ASS1: variants seen among roughly 807,000 people sequenced by gnomAD.
The protein encoded by ASS1 is argininosuccinate synthase 1.
Under a neutral mutation model 60.5 loss-of-function variants are expected in ASS1, and 58 were observed. The observed-to-expected ratio is 0.96, with a 90% CI of 0.78 to 1.19. The LOEUF (loss-of-function observed/expected upper bound fraction) is 1.19, where lower values mean the gene tolerates loss of function less well. Among genes scored for constraint, ASS1 ranks in the 50% most tolerant of loss-of-function variants. The pLI, the probability that ASS1 is intolerant of heterozygous loss-of-function variation, is 0.00. For missense variants in ASS1, 454 were observed against 547.3 expected, an observed-to-expected ratio of 0.83 and a Z score of 1.70; for synonymous variants, 200 against 206.9, an observed-to-expected ratio of 0.97 and a Z score of 0.29.
intron 1 of ASS1, among the ~76,000 whole-genome samples, chr9:130,450,515 C>T (rs533855091): frequency 2.5e-4 from 38 of 152,304 alleles, no homozygotes; most frequent in African/African-American, 8.9e-4. Flanking sequence ...TTGTGGGCAC[C>T]GACCAGAACC....
intron 6 of ASS1, among the ~76,000 whole-genome samples, chr9:130,468,409 T>C (rs897860718): frequency 7.6e-6 from 1 of 131,238 alleles, no homozygotes; most frequent in African/African-American, 2.5e-5. Context: ...GTCACCATAA[T>C]TTAAAAAAAA....
chr9:130,463,652 C>A (rs1181035398), intron 4 of ASS1, among the ~76,000 whole-genome samples: 1 of 152,208 alleles, frequency 6.6e-6, no homozygotes, highest in Non-Finnish European at 1.5e-5. Context: ...GAAACTGAGG[C>A]TCAGAGAGGT....
chr9:130,499,295 T>C (rs1245849792), intron 13 of ASS1, among the ~76,000 whole-genome samples: 2 of 152,226 alleles, frequency 1.3e-5, no homozygotes, highest in Non-Finnish European at 2.9e-5. Flanking sequence ...ACTAGGGCTC[T>C]CCAACCTTTG....
chr9:130,489,607 A>C lies in ASS1; in HGVS notation c.970+143A>C. 8.0e-6 allele frequency: 11 copies of C among 1,379,534 alleles called. No homozygotes were observed. The highest frequency in any genetic ancestry group is 1.1e-5 in the Non-Finnish European group (11 of 981,108). The allele number at this position is 1,379,534 out of a possible 1,614,324, so 85.5% of individuals were successfully genotyped here. ...CTGCCATCCTCATGTGAGACCCCAA[A>C]AGGTGCAGGCCAAAGGGGGTTGAGG... On this transcript the variant is annotated intron_variant, in intron 12 of 14. Transcript: ENST00000352480. The surrounding 1 kb of genome is among the most constrained non-coding windows in gnomAD (Gnocchi z 4.1).
chr9:130,492,272 G>T (rs1313365350), intron 12 of ASS1, among the ~76,000 whole-genome samples: 2 of 152,166 alleles, frequency 1.3e-5, no homozygotes, highest in African/African-American at 2.4e-5. Context: ...CAAATAAAGG[G>T]CACCAGGCTG....
At chr9:130,449,675 G>A (rs977989655) in intron 1 of ASS1, among the ~76,000 whole-genome samples, 4 of 152,096 alleles carry the variant, frequency 2.6e-5, no homozygotes, top group Admixed American at 2.0e-4. Context: ...CCAGTCAAAC[G>A]AGATGCAGGG....
At position 130,464,108 on chromosome 9, in the gene ASS1, C is replaced by T; in HGVS notation, c.364-3C>T. On this transcript the variant is annotated splice_region_variant and splice_polypyrimidine_tract_variant and intron_variant, in intron 4 of 14. Transcript: ENST00000352480. ...CCTGACAGCCCTCTGTTCTGCATTG[C>T]AGGGGAACGATCAGGTCCGGTTTGA... The T allele has an allele frequency of 6.2e-7, 1 of 1,614,116 alleles. No individual in the cohort carries two copies. The highest frequency in any genetic ancestry group is 8.5e-7 in the Non-Finnish European group (1 of 1,179,992).
Position 130,476,656 on chromosome 9 carries a change from A to G in ASS1, c.598-215A>G, listed in dbSNP as rs867983052. On this transcript the variant is annotated intron_variant, in intron 8 of 14. Transcript: ENST00000352480. The surrounding 1 kb of genome is among the most constrained non-coding windows in gnomAD (Gnocchi z 4.9). ...AAAAAGATGAGATCAAGTTGAGGGG[A>G]AAAATTGTCTGATTTCTCCAGCCCT... The G allele has an allele frequency of 1.8e-4, 112 of 607,472 alleles. No homozygotes were observed. The Middle Eastern group carries it at 2.2e-3, about 12-fold the overall frequency. The allele number at this position is 607,472 out of a possible 1,614,324, so 37.6% of individuals were successfully genotyped here. A position where few individuals can be genotyped will look rare whatever the true frequency, so the allele number is the denominator to read the frequency against.
At chr9:130,461,315 G>A (rs1389913837) in intron 4 of ASS1, among the ~76,000 whole-genome samples, 1 of 152,168 alleles carries the variant, frequency 6.6e-6, no homozygotes, top group Non-Finnish European at 1.5e-5. Flanking sequence ...GCCTCCCGCA[G>A]CCGTGTGCGC....
At chr9:130,451,293 C>T (rs1845319361) in intron 1 of ASS1, among the ~76,000 whole-genome samples, 3 of 122,642 alleles carry the variant, frequency 2.4e-5, no homozygotes, top group South Asian at 5.7e-4. Flanking sequence ...TTCCCGGCTG[C>T]AGAGGGCCTG....
At position 130,471,537 on chromosome 9, in the gene ASS1, C is replaced by T. The variant is rs1275049130; in HGVS notation, c.597+22C>T. 5.0e-6 allele frequency: 8 copies of T among 1,611,528 alleles called. No individual in the cohort carries two copies. The South Asian group carries it at 8.8e-5, about 18-fold the overall frequency. On this transcript the variant is annotated intron_variant, in intron 8 of 14. Coordinates refer to ENST00000352480, the MANE Select transcript of ASS1 (RefSeq NM_054012.4). ...CAAGGTAATCCCCCAAACCCCATCTCCTCCCAGCTGGCCACCTTTGGTGGT... is the reference window on the plus strand; with the variant it reads ...CAAGGTAATCCCCCAAACCCCATCTTCTCCCAGCTGGCCACCTTTGGTGGT...
Position 130,486,028 on chromosome 9 carries a change from C to T in ASS1, c.839-3305C>T, listed in dbSNP as rs141397247. On this transcript the variant is annotated intron_variant, in intron 11 of 14. Transcript: ENST00000352480. ...TTCAGACAGGGTCTTGTTCTGTCAC[C>T]GAGGCTGTAGTGCAGTGGTACGATC... 2.0e-3 allele frequency among the ~76,000 whole-genome samples: 304 copies of T among 152,196 alleles called. 1 individual carries two copies. Among genetic ancestry groups the T allele is most frequent in the African/African-American group, 7.1e-3 (294 of 41,518 alleles).
At chr9:130,479,109 C>G (rs571735845) in intron 9 of ASS1, among the ~76,000 whole-genome samples, 14 of 150,098 alleles carry the variant, frequency 9.3e-5, no homozygotes, top group East Asian at 3.9e-4. Flanking sequence ...ACTGCCCCCA[C>G]CCAACCCCTT....
At position 130,501,105 on chromosome 9, in the gene ASS1, T is replaced by G; in HGVS notation, c.*84T>G. On this transcript the variant is annotated 3_prime_UTR_variant, in exon 15 of 15. Coordinates refer to ENST00000352480, the MANE Select transcript of ASS1 (RefSeq NM_054012.4). The stretch of plus-strand genomic sequence containing the variant: ...GCTAATTGTTGTGATAATTTGTAAT[T>G]GTGACTTGTTCTCCCCGGCTGGCAG... 3 of 1,458,286 alleles carry G rather than the reference T, an allele frequency of 2.1e-6. No homozygotes were observed. The highest frequency in any genetic ancestry group is 2.9e-6 in the Non-Finnish European group (3 of 1,051,752). The allele number at this position is 1,458,286 out of a possible 1,614,324, so 90.3% of individuals were successfully genotyped here.
intron 13 of ASS1, among the ~76,000 whole-genome samples, chr9:130,495,880 A>G (rs982203496): frequency 1.3e-5 from 2 of 152,106 alleles, no homozygotes; most frequent in South Asian, 2.1e-4. Context: ...TGGGGTCGTG[A>G]GCAGCTGGGT....
intron 1 of ASS1, among the ~76,000 whole-genome samples, chr9:130,447,231 G>A (rs1208898907): frequency 6.6e-6 from 1 of 152,224 alleles, no homozygotes; most frequent in African/African-American, 2.4e-5. Context: ...AAGGCCTAGT[G>A]CAGGGAAGAG....
intron 8 of ASS1, among the ~76,000 whole-genome samples, chr9:130,475,119 C>G (rs951029370): frequency 6.6e-6 from 1 of 152,178 alleles, no homozygotes; most frequent in African/African-American, 2.4e-5. Context: ...AGTGCTAAAA[C>G]CAGGAGAAAT....
At position 130,458,410 on chromosome 9, in the gene ASS1, G is replaced by A. The variant is rs1230404130; in HGVS notation, c.184G>A (p.Glu62Lys). The change falls in exon 4 of 15, where the codon GAG (glutamate) becomes AAG (lysine). Residue 62 changes from glutamate (E) to lysine (K), a missense_variant. By Grantham distance (56) the Glu-to-Lys change is moderately conservative. Coordinates refer to ENST00000352480, the MANE Select transcript of ASS1 (RefSeq NM_054012.4). The stretch of plus-strand genomic sequence containing the variant: ...GCTCCTCTTCCCGTAGGTGTTCATT[G>A]AGGATGTCAGCAGGGAGTTTGTGGA... ...LKLGAKKVFI[E>K]DVSREFVEEF... 6.2e-6 allele frequency: 10 copies of A among 1,612,020 alleles called. No homozygotes were observed. The highest frequency in any genetic ancestry group is 1.7e-5 in the Admixed American group (1 of 60,018).
intron 8 of ASS1, among the ~76,000 whole-genome samples, chr9:130,475,623 C>T (rs1453006933): frequency 6.6e-6 from 1 of 152,200 alleles, no homozygotes; most frequent in Non-Finnish European, 1.5e-5. Flanking sequence ...CAGTCCCTCC[C>T]GCTCAGCCTC....
Sources: gnomAD v4.1 joint callset for allele counts (sites outside exome capture counted in the v4.1 genomes callset) on GRCh38, gnomAD v4.1.1 for gene constraint, Gnocchi (gnomAD v3.1) non-coding constraint, MANE v1.5 for transcripts, NCBI Gene and HGNC (gene_info 2026-07-23, HGNC 2026-07-21) for gene names.